Variants in STX18 observed in about 807,000 individuals in gnomAD.
STX18 encodes syntaxin 18.
In STX18, 40 loss-of-function variants were observed where a neutral mutation model predicts 50.1. That is an observed-to-expected ratio of 0.80 (90% confidence interval 0.62 to 1.04). The LOEUF is 1.04. Ranked by LOEUF, STX18 falls within the 50% of genes least tolerant of loss-of-function variation. The pLI, the probability that STX18 is intolerant of heterozygous loss-of-function variation, is 0.00. For synonymous variants in STX18, 158 were observed against 151.8 expected (o/e 1.04, Z -0.30); for missense variants, 410 against 415.8 (o/e 0.99, Z 0.12).
At chr4:4,434,992 G>T (rs1388881321) in intron 6 of STX18, 134 bp from the exon 7 acceptor site, 3 of 649,696 alleles carry the variant, frequency 4.6e-6, no homozygotes, top group Non-Finnish European at 7.5e-6. Context: ...TGATCTTTGG[G>T]CTAATATTCA....
At chr4:4,479,348 A>G (rs538999637) in intron 1 of STX18, among the ~76,000 whole-genome samples, 1 of 152,322 alleles carries the variant, frequency 6.6e-6, no homozygotes, top group South Asian at 2.1e-4. Context: ...GTGTGCTTTT[A>G]GCTTCTGCAA....
chr4:4,450,531 C>T (rs965247888), intron 5 of STX18, among the ~76,000 whole-genome samples: 1 of 152,118 alleles, frequency 6.6e-6, no homozygotes, highest in African/African-American at 2.4e-5. Context: ...CCCGAACTCC[C>T]GGCCTCAAGC....
chr4:4,520,286 A>G (rs1730453214), intron 1 of STX18, among the ~76,000 whole-genome samples: 1 of 152,236 alleles, frequency 6.6e-6, no homozygotes, highest in African/African-American at 2.4e-5. Flanking sequence ...GAGTATCTCA[A>G]ATTCCAGGAG....
In STX18 at chr4:4,420,155, T is replaced by C; in HGVS notation, c.913-26A>G. On this transcript the variant is annotated intron_variant, in intron 10 of 10. Transcript: ENST00000306200. The surrounding 1 kb of genome is among the most constrained non-coding windows in gnomAD (Gnocchi z 4.3). ...CTGGGCAGGGACGGGAGCACAGGTGTTTTTATCACACAGGATTTTGGTTTG... is the reference window on the plus strand; with the variant it reads ...CTGGGCAGGGACGGGAGCACAGGTGCTTTTATCACACAGGATTTTGGTTTG... 6.3e-7 allele frequency: 1 copy of C among 1,583,178 alleles called. No individual in the cohort carries two copies.
Position 4,430,701 on chromosome 4 carries a change from C to T in STX18, c.702+4069G>A, listed in dbSNP as rs532036253. 3.3e-5 allele frequency among the ~76,000 whole-genome samples: 5 copies of T among 152,270 alleles called. No individual in the cohort carries two copies. In the East Asian group the frequency reaches 5.8e-4, roughly 18 times the overall value. ...CTCTGACATATCAGTTGCTAAAACA[C>T]GTGCAGGGCATGCCACAATGCACAG... On this transcript the variant is annotated intron_variant, in intron 7 of 10. Transcript: ENST00000306200.
chr4:4,421,665 T>C (rs61427662), intron 9 of STX18, among the ~76,000 whole-genome samples: 21,426 of 152,248 alleles, frequency 0.14, 3,172 homozygotes, highest in African/African-American at 0.37. Context: ...GCAGCCACCA[T>C]ATGCCAGGGG....
intron 1 of STX18, among the ~76,000 whole-genome samples, chr4:4,506,517 G>C (rs1729713207): frequency 6.6e-6 from 1 of 152,206 alleles, no homozygotes; most frequent in Non-Finnish European, 1.5e-5. Context: ...GTTCACGGGA[G>C]TGGGTGTGAC....
chr4:4,445,365 G>A (rs748358534), intron 5 of STX18, among the ~76,000 whole-genome samples: 8 of 151,818 alleles, frequency 5.3e-5, no homozygotes, highest in Non-Finnish European at 8.8e-5. Context: ...AAGATCGAGC[G>A]ACTGCACTCT....
chr4:4,527,513 T>C (rs939100695), intron 1 of STX18, among the ~76,000 whole-genome samples: 3 of 152,078 alleles, frequency 2.0e-5, no homozygotes, highest in Admixed American at 6.6e-5. Flanking sequence ...AAACTGTCCA[T>C]TGACAGAATA....
chr4:4,539,678 T>C (rs4689880), intron 1 of STX18, among the ~76,000 whole-genome samples: 33,684 of 152,136 alleles, frequency 0.22, 4,085 homozygotes, highest in African/African-American at 0.33. Flanking sequence ...CTGTGACATA[T>C]GCACAAAGCT....
intron 4 of STX18, 64 bp downstream of exon 4, chr4:4,457,359 G>C (rs1727134759): frequency 6.4e-7 from 1 of 1,566,134 alleles, no homozygotes; most frequent in Admixed American, 1.7e-5. Flanking sequence ...AGCTAGCAAA[G>C]CTAAATTCTG....
chr4:4,512,330 T>G (rs1457548151), intron 1 of STX18, among the ~76,000 whole-genome samples: 1 of 151,610 alleles, frequency 6.6e-6, no homozygotes, highest in Admixed American at 6.6e-5. Context: ...TTTTCCTAAT[T>G]CCAATTAAAA....
chr4:4,451,202 C>CATG (rs370373734), intron 5 of STX18, among the ~76,000 whole-genome samples: 284 of 152,312 alleles, frequency 1.9e-3, no homozygotes, highest in African/African-American at 6.6e-3. Context: ...TCTACCTGGC[C>CATG]AGCATCTGCT....
chr4:4,438,915 TTATACA>T (rs902113036), intron 5 of STX18, among the ~76,000 whole-genome samples: 14 of 150,324 alleles, frequency 9.3e-5, no homozygotes, highest in Admixed American at 4.0e-4. Flanking sequence ...ATAATACATA[TTATACA>T]TATATTCATA....
chr4:4,456,104 C>T (rs1727049898), intron 5 of STX18, among the ~76,000 whole-genome samples: 1 of 151,822 alleles, frequency 6.6e-6, no homozygotes, highest in African/African-American at 2.4e-5. Context: ...ATAGTGACAT[C>T]CCACCCTTAT....
chr4:4,522,862 A>T (rs1030424698), intron 1 of STX18, among the ~76,000 whole-genome samples: 4 of 152,222 alleles, frequency 2.6e-5, no homozygotes, highest in Admixed American at 2.0e-4. Flanking sequence ...AAATCAAATT[A>T]TTTAAGTACA....
intron 6 of STX18, among the ~76,000 whole-genome samples, chr4:4,437,986 G>A (rs1560163434): frequency 1.3e-5 from 2 of 152,238 alleles, no homozygotes; most frequent in African/African-American, 2.4e-5. Flanking sequence ...CTGTTGGTTT[G>A]ACTGGCTGTG....
At chr4:4,459,062 GCA>G (rs60704649) in intron 3 of STX18, among the ~76,000 whole-genome samples, 1,954 of 144,038 alleles carry the variant, frequency 0.014, 20 homozygotes, top group East Asian at 0.024. Context: ...ACACACACAC[GCA>G]CACACACACA....
intron 1 of STX18, among the ~76,000 whole-genome samples, chr4:4,528,978 T>C (rs1730946702): frequency 6.6e-6 from 1 of 152,208 alleles, no homozygotes. Flanking sequence ...ATCCATAAAT[T>C]GGGTCTCCTT....
Sources: allele counts gnomAD v4.1 joint callset (sites outside exome capture counted in the v4.1 genomes callset), GRCh38; gene constraint gnomAD v4.1.1; non-coding constraint Gnocchi (gnomAD v3.1); transcripts MANE v1.5; gene names NCBI Gene and HGNC (gene_info 2026-07-23, HGNC 2026-07-21).